Variants in ZNF302 observed in about 807,000 individuals in gnomAD.
The protein encoded by ZNF302 is zinc finger protein 327.
In ZNF302, 12 loss-of-function variants were observed where a neutral mutation model predicts 10.8. The observed-to-expected ratio is 1.11, with a 90% confidence interval of 0.71 to 1.79. ZNF302 has a LOEUF of 1.79. Among genes scored for constraint, ZNF302 ranks in the 40% most tolerant of loss-of-function variants. The pLI is 0.00. For missense variants in ZNF302, 461 were observed against 471.1 expected (o/e 0.98, Z 0.20); for synonymous variants, 178 against 157.5 (o/e 1.13, Z -0.98).
In ZNF302 at chr19:34,686,152, T is replaced by C. The variant is rs578170200; in HGVS notation, c.*915T>C. 2.0e-5 allele frequency: 3 copies of C among 152,474 alleles called. No individual in the cohort carries two copies. The highest frequency in any genetic ancestry group is 7.2e-5 in the African/African-American group (3 of 41,458). The allele number at this position is 152,474 out of a possible 1,614,324, so 9.4% of individuals were successfully genotyped here. A position where few individuals can be genotyped will look rare whatever the true frequency, so the allele number is the denominator to read the frequency against. On this transcript the variant is annotated 3_prime_UTR_variant, in exon 5 of 5. Transcript: ENST00000505242. ...AATTACATATAAATCTTTGCAGTTA[T>C]GCTATTTGTAAACAGGATTATATAG...
Position 34,685,623 on chromosome 19 carries a change from C to A in ZNF302, c.*386C>A. 1 of 1,050,246 alleles carries A rather than the reference C, an allele frequency of 9.5e-7. No individual in the cohort carries two copies. Among genetic ancestry groups the A allele is most frequent in the South Asian group, 1.4e-5 (1 of 72,756 alleles). The allele number at this position is 1,050,246 out of a possible 1,614,324, so 65.1% of individuals were successfully genotyped here. A position where few individuals can be genotyped will look rare whatever the true frequency, so the allele number is the denominator to read the frequency against. ...ATGAATCCCTATACATGTGAGAAAT[C>A]TTACAGAAGAGAAGCAGTGTTTATC... On this transcript the variant is annotated 3_prime_UTR_variant, in exon 5 of 5. Coordinates refer to ENST00000505242, the MANE Select transcript of ZNF302 (RefSeq NM_001289187.2).
chr19:34,683,694 T>C (rs1334099533), intron 4 of ZNF302, among the ~76,000 whole-genome samples: 2 of 152,282 alleles, frequency 1.3e-5, no homozygotes, highest in Admixed American at 6.5e-5. Flanking sequence ...AAGAAAAATA[T>C]GATTCACACA....
At position 34,683,287 on chromosome 19, in the gene ZNF302, T is replaced by A. The variant is rs751884791; in HGVS notation, c.214+49T>A. ...TGAACGAGACAAAGGAAGATTTTGT[T>A]AAAGATGTTTATAGTGAGTGTGGAA... On this transcript the variant is annotated intron_variant, in intron 4 of 4. Coordinates refer to ENST00000505242, the MANE Select transcript of ZNF302 (RefSeq NM_001289187.2). 27 of 1,609,680 alleles carry A rather than the reference T, an allele frequency of 1.7e-5. No individual in the cohort carries two copies. In the South Asian group the frequency reaches 2.6e-4, roughly 16 times the overall value.
chr19:34,684,507 C>CA lies in ZNF302; in HGVS notation c.476dup (p.Ser160ValfsTer6). On this transcript the variant is annotated frameshift_variant, in exon 5 of 5. Coordinates refer to ENST00000505242, the MANE Select transcript of ZNF302 (RefSeq NM_001289187.2). LOFTEE classifies it low-confidence loss of function (END_TRUNC). ...TATGATATATTAAAGAAGAATTTAT[C>CA]AAAAAAGTCAGTTATAAAAAGTGAG... The CA allele has an allele frequency of 6.2e-7, 1 of 1,612,012 alleles. No individual in the cohort carries two copies. The highest frequency in any genetic ancestry group is 8.5e-7 in the Non-Finnish European group (1 of 1,179,190).
chr19:34,676,722 TTAA>T (rs2067964728), upstream of ZNF302: 2 of 152,226 alleles, frequency 1.3e-5, no homozygotes, highest in Non-Finnish European at 2.9e-5. Flanking sequence ...AGGTCAGTAC[TTAA>T]TAAGTACAAA....
At chr19:34,682,672 C>G in intron 2 of ZNF302, 105 bp from the exon 3 acceptor site, 1 of 1,544,810 alleles carries the variant, frequency 6.5e-7, no homozygotes, top group Admixed American at 2.1e-5. Context: ...GTCACAGCTC[C>G]TGAATCTTGT....
At chr19:34,678,530 G>A (rs767458908) in intron 1 of ZNF302, among the ~76,000 whole-genome samples, 1 of 152,084 alleles carries the variant, frequency 6.6e-6, no homozygotes, top group Non-Finnish European at 1.5e-5. Flanking sequence ...TGTTTTATGA[G>A]TCTTTTGTAT....
chr19:34,684,344 G>C lies in ZNF302; in HGVS notation c.307G>C (p.Val103Leu), dbSNP rs1235633362. Reference sequence around the variant, plus strand: ...CCAACCAGTAACAATGGAAAAAGTTGTAAAACAAAGTTATGAATTTTCAAA... The same window carrying C: ...CCAACCAGTAACAATGGAAAAAGTTCTAAAACAAAGTTATGAATTTTCAAA... ...SPQPVTMEKV[V>L]KQSYEFSNSN... The change falls in exon 5 of 5, where the codon GTA becomes CTA. Residue 103 changes from valine (V) to leucine (L), a missense_variant. Transcript: ENST00000505242. The C allele has an allele frequency of 6.2e-7, 1 of 1,600,266 alleles. No individual in the cohort carries two copies. Among genetic ancestry groups the C allele is most frequent in the African/African-American group, 1.3e-5 (1 of 74,092 alleles).
upstream of ZNF302, chr19:34,677,630 C>G (rs2145224774): frequency 6.6e-6 from 1 of 152,484 alleles, no homozygotes; most frequent in Admixed American, 6.5e-5. Flanking sequence ...ATTTGTACCG[C>G]AGGGGGAGGA....
chr19:34,682,819 T>G lies in ZNF302; in HGVS notation c.52T>G (p.Trp18Gly). The G allele has an allele frequency of 6.2e-7, 1 of 1,613,638 alleles. No individual in the cohort carries two copies. The highest frequency in any genetic ancestry group is 1.1e-5 in the South Asian group (1 of 91,068). The change falls in exon 3 of 5, where the codon TGG becomes GGG. Residue 18 changes from tryptophan to glycine, a missense_variant. By Grantham distance (184) the Trp-to-Gly change is radical. Transcript: ENST00000505242. ...GGCTATAGACTTCTCTCATGAAGAG[T>G]GGGCATGCCTAGATTCTGCTCAGAG... The part of the protein sequence containing the change: ...DVAIDFSHEE[W>G]ACLDSAQRDL...
Position 34,685,299 on chromosome 19 carries a change from G to T in ZNF302, c.*62G>T. On this transcript the variant is annotated 3_prime_UTR_variant, in exon 5 of 5. Transcript: ENST00000505242. ...AATATGCATTTGAGAAATCACATTA[G>T]ATTGAAACCCTACGAATGCAGTATA... is the stretch of plus-strand genomic sequence containing the variant. 1 of 1,613,970 alleles carries T rather than the reference G, an allele frequency of 6.2e-7. No individual in the cohort carries two copies. Among genetic ancestry groups the T allele is most frequent in the South Asian group, 1.1e-5 (1 of 91,070 alleles).
intron 2 of ZNF302, chr19:34,682,446 A>C (rs1304620966): frequency 5.1e-6 from 1 of 194,968 alleles, no homozygotes; most frequent in Non-Finnish European, 1.0e-5. Flanking sequence ...AGATATAACT[A>C]AATACTTGAC....
intron 4 of ZNF302, 132 bp from the exon 5 acceptor site, chr19:34,684,120 C>T (rs2068504835): frequency 7.7e-7 from 1 of 1,303,178 alleles, no homozygotes; most frequent in African/African-American, 1.8e-5. Context: ...CTGGGTGCTT[C>T]ATTTCTTATC....
chr19:34,684,109 T>C (rs1448955459), intron 4 of ZNF302, 143 bp from the exon 5 acceptor site: 8 of 1,521,246 alleles, frequency 5.3e-6, no homozygotes, highest in Non-Finnish European at 7.0e-6. Context: ...CTATGTGTTT[T>C]CTGGGTGCTT....
rs1288055607 is a variant in ZNF302 at position 34,684,765 on chromosome 19, C to T, written c.728C>T (p.Ser243Phe). 3 of 1,613,788 alleles carry T rather than the reference C, an allele frequency of 1.9e-6. No individual in the cohort carries two copies. Among genetic ancestry groups the T allele is most frequent in the African/African-American group, 1.3e-5 (1 of 74,874 alleles). The stretch of plus-strand genomic sequence containing the variant: ...GGGAAGACTTTTAGCCATGGTTCAT[C>T]CCTTACACGACATCAGATAAGCCAT... ...ECGKTFSHGS[S>F]LTRHQISHSG... The change falls in exon 5 of 5, where the codon TCC becomes TTC. Residue 243 changes from serine (S) to phenylalanine (F), a missense_variant. Ser to Phe is a radical substitution (Grantham distance 155). Coordinates refer to ENST00000505242, the MANE Select transcript of ZNF302 (RefSeq NM_001289187.2).
intron 2 of ZNF302, chr19:34,682,174 A>T (rs1244060276): frequency 1.3e-5 from 2 of 152,382 alleles, no homozygotes; most frequent in East Asian, 3.8e-4. Context: ...ACATTAATCC[A>T]TTCATGAGGG....
At chr19:34,681,769 C>T (rs1568456848) in intron 2 of ZNF302, 1 of 152,190 alleles carries the variant, frequency 6.6e-6, no homozygotes, top group Non-Finnish European at 1.5e-5. Context: ...AGTACCAGTC[C>T]GTGGCCCAGG....
chr19:34,678,922 G>C, intron 2 of ZNF302, 109 bp downstream of exon 2: 5 of 1,311,774 alleles, frequency 3.8e-6, no homozygotes, highest in Non-Finnish European at 5.5e-6. Flanking sequence ...TAAGGGACTA[G>C]ATCTATGGTT....
In ZNF302 at chr19:34,686,356, A is replaced by G. The variant is rs1250082214; in HGVS notation, c.*1119A>G. 6 of 152,202 alleles carry G rather than the reference A, an allele frequency of 3.9e-5. No individual in the cohort carries two copies. Among genetic ancestry groups the G allele is most frequent in the Non-Finnish European group, 8.8e-5 (6 of 68,022 alleles). 9.4% of individuals were successfully genotyped at this position (152,202 alleles called of 1,614,324 possible). On this transcript the variant is annotated 3_prime_UTR_variant, in exon 5 of 5. Transcript: ENST00000505242. ...GCAAAAGAAATAAAATGGTGTTAAT[A>G]AAAATTTGGCATCTAATAAAATCAT...
Sources: gnomAD v4.1 joint callset for allele counts (sites outside exome capture counted in the v4.1 genomes callset) on GRCh38, gnomAD v4.1.1 for gene constraint, MANE v1.5 for transcripts, NCBI Gene and HGNC (gene_info 2026-07-23, HGNC 2026-07-21) for gene names.